NTRK2: variants seen among roughly 807,000 people sequenced by gnomAD.
NTRK2 encodes the protein neurotrophic receptor tyrosine kinase 2.
Under a neutral mutation model 94.5 loss-of-function variants are expected in NTRK2, and 13 were observed. The ratio of observed to expected loss-of-function variants is 0.14; its 90% CI spans 0.09 to 0.22. NTRK2 has a LOEUF of 0.22. Ranked by LOEUF, NTRK2 falls within the 10% of genes least tolerant of loss-of-function variation. The pLI, the probability that NTRK2 is intolerant of heterozygous loss-of-function variation, is 1.00. For synonymous variants in NTRK2, 372 were observed against 407.4 expected (o/e 0.91, Z 1.05); for missense variants, 639 against 1,071.2 (o/e 0.60, Z 5.63).
chr9:84,812,333 G>A, intron 12 of NTRK2: 4 of 1,058,318 alleles, frequency 3.8e-6, no homozygotes, highest in Non-Finnish European at 4.6e-6. Flanking sequence ...ATTTCACTTG[G>A]CTACTTCATA....
chr9:84,989,897 A>T (rs1828832197), intron 17 of NTRK2, among the ~76,000 whole-genome samples: 1 of 152,248 alleles, frequency 6.6e-6, no homozygotes, highest in Non-Finnish European at 1.5e-5. Flanking sequence ...AAACCCAGGC[A>T]GTCTAGTACC....
chr9:84,802,294 C>T (rs749863236), intron 12 of NTRK2, among the ~76,000 whole-genome samples: 7 of 152,116 alleles, frequency 4.6e-5, no homozygotes, highest in African/African-American at 1.2e-4. Flanking sequence ...AAATAAACTG[C>T]GAAATCTGGT....
chr9:84,793,122 GA>G (rs111529362), intron 12 of NTRK2, among the ~76,000 whole-genome samples: 11,516 of 152,186 alleles, frequency 0.076, 493 homozygotes, highest in South Asian at 0.13. Context: ...TGGTTGCTGA[GA>G]GGTCTTTTCT....
intron 12 of NTRK2, among the ~76,000 whole-genome samples, chr9:84,842,046 A>T (rs2074215227): frequency 6.6e-6 from 1 of 152,116 alleles, no homozygotes; most frequent in Admixed American, 6.5e-5. Context: ...GGAACTATTC[A>T]CCCTTTCTCC....
At position 84,727,872 on chromosome 9, in the gene NTRK2, G is replaced by A. The variant is rs2132081635; in HGVS notation, c.1072G>A (p.Asp358Asn). ...LDNPTHMNNGDYTLIAKNEYG... is the reference protein window; with the variant it reads ...LDNPTHMNNGNYTLIAKNEYG... ...TAATCCCACTCACATGAACAATGGG[G>A]ACTACACTCTAATAGCCAAGAATGA... The change falls in exon 9 of 19, where the codon GAC becomes AAC. Residue 358 changes from aspartate (D) to asparagine (N), a missense_variant. Physicochemically the swap from Asp to Asn is conservative, Grantham distance 23. Around this residue, in one of 5 missense-constraint regions of NTRK2, gnomAD observed 343 missense variants for 571.5 expected, o/e 0.60. Transcript: ENST00000277120. 1 of 1,614,156 alleles carries A rather than the reference G, an allele frequency of 6.2e-7. No individual in the cohort carries two copies. Among genetic ancestry groups the A allele is most frequent in the East Asian group, 2.2e-5 (1 of 44,888 alleles).
intron 17 of NTRK2, among the ~76,000 whole-genome samples, chr9:84,981,194 C>T (rs1362863352): frequency 6.6e-6 from 1 of 152,186 alleles, no homozygotes; most frequent in African/African-American, 2.4e-5. Flanking sequence ...GATTCTCCTG[C>T]CTCAGGCTCC....
chr9:84,738,254 A>G (rs1426046357), intron 9 of NTRK2, among the ~76,000 whole-genome samples: 1 of 151,608 alleles, frequency 6.6e-6, no homozygotes, highest in African/African-American at 2.4e-5. Flanking sequence ...CCCCACTTTC[A>G]GGGGCATGGC....
intron 12 of NTRK2, among the ~76,000 whole-genome samples, chr9:84,790,941 T>C (rs1158132380): frequency 1.3e-5 from 2 of 152,246 alleles, no homozygotes; most frequent in Non-Finnish European, 2.9e-5. Flanking sequence ...ATAATTTAGC[T>C]AGCTGTTTGC....
chr9:84,763,168 C>A (rs1474174443), intron 12 of NTRK2, among the ~76,000 whole-genome samples: 1 of 152,164 alleles, frequency 6.6e-6, no homozygotes, highest in Non-Finnish European at 1.5e-5. Context: ...ACTCTTGTGC[C>A]ATTACAGGCT....
intron 12 of NTRK2, among the ~76,000 whole-genome samples, chr9:84,762,690 T>C (rs1017581629): frequency 3.3e-5 from 5 of 152,206 alleles, no homozygotes; most frequent in African/African-American, 1.2e-4. Context: ...TGACTTTATT[T>C]TTCTATTGTT....
chr9:84,954,043 A>G (rs1823803184), intron 16 of NTRK2, among the ~76,000 whole-genome samples: 1 of 152,226 alleles, frequency 6.6e-6, no homozygotes, highest in African/African-American at 2.4e-5. Flanking sequence ...ATGTGTTCTC[A>G]GACAATTCTG....
chr9:84,752,826 C>T (rs1028684841), intron 12 of NTRK2, among the ~76,000 whole-genome samples: 1 of 151,964 alleles, frequency 6.6e-6, no homozygotes, highest in African/African-American at 2.4e-5. Flanking sequence ...GGATAATATG[C>T]CAGTGTTGTA....
At chr9:84,900,394 G>A (rs905437254) in intron 14 of NTRK2, among the ~76,000 whole-genome samples, 3 of 152,188 alleles carry the variant, frequency 2.0e-5, no homozygotes, top group African/African-American at 7.2e-5. Flanking sequence ...GAGGCTCAGA[G>A]TGTGTGAAGG....
intron 12 of NTRK2, among the ~76,000 whole-genome samples, chr9:84,777,959 G>C (rs1239057621): frequency 6.6e-6 from 1 of 152,158 alleles, no homozygotes; most frequent in Non-Finnish European, 1.5e-5. Context: ...AGTGCAATTT[G>C]ATTTTTCGAA....
Position 84,712,316 on chromosome 9 carries a change from G to A in NTRK2, c.583+1525G>A, listed in dbSNP as rs117440652. The stretch of plus-strand genomic sequence containing the variant: ...TTACGTGTTATTGCTCGGCCATTGT[G>A]ATTGGGATAGGGGACGTGTAGGGAG... On this transcript the variant is annotated intron_variant, in intron 6 of 18. Transcript: ENST00000277120. Among the ~76,000 whole-genome samples the A allele has an allele frequency of 7.1e-3, 1,080 of 152,340 alleles. 7 individuals are homozygous for A. The highest frequency in any genetic ancestry group is 0.012 in the Non-Finnish European group (845 of 68,034).
At chr9:84,777,392 G>A (rs1176750653) in intron 12 of NTRK2, among the ~76,000 whole-genome samples, 1 of 152,190 alleles carries the variant, frequency 6.6e-6, no homozygotes, top group East Asian at 1.9e-4. Context: ...TAATACAGTA[G>A]TCTTGTTGTC....
intron 14 of NTRK2, chr9:84,876,541 T>G: frequency 9.5e-7 from 1 of 1,056,174 alleles, no homozygotes; most frequent in African/African-American, 1.6e-5. Flanking sequence ...TGTTCTTACC[T>G]TCTATTAATA....
intron 14 of NTRK2, among the ~76,000 whole-genome samples, chr9:84,907,919 C>T (rs1372887547): frequency 6.6e-6 from 1 of 152,200 alleles, no homozygotes; most frequent in Non-Finnish European, 1.5e-5. Context: ...CTTGTGTTCT[C>T]TGTTGGTTGT....
chr9:84,800,052 A>G (rs377604335), intron 12 of NTRK2, among the ~76,000 whole-genome samples: 32 of 152,308 alleles, frequency 2.1e-4, no homozygotes, highest in African/African-American at 7.2e-4. Context: ...GGTTTGGTTC[A>G]TTTAGCTGCT....
Sources: allele counts gnomAD v4.1 joint callset (sites outside exome capture counted in the v4.1 genomes callset), GRCh38; gene constraint gnomAD v4.1.1; regional missense constraint gnomAD v4.1.1; transcripts MANE v1.5; gene names NCBI Gene and HGNC (gene_info 2026-07-23, HGNC 2026-07-21).